Variants in ATXN1 observed in about 807,000 individuals in gnomAD.
ATXN1 encodes the protein ataxin-1.
Under a neutral mutation model 56.4 loss-of-function variants are expected in ATXN1, and 8 were observed. That is an observed-to-expected ratio of 0.14 (90% CI 0.08 to 0.26). The LOEUF is 0.26. Among genes scored for constraint, ATXN1 ranks in the 10% least tolerant of loss-of-function variants. The pLI is 1.00. For synonymous variants in ATXN1, 514 were observed against 494.6 expected, an observed-to-expected ratio of 1.04 and a Z score of -0.52; for missense variants, 987 against 1,106.5, an observed-to-expected ratio of 0.89 and a Z score of 1.53.
At chr6:16,751,024 A>G (rs531844879) in intron 2 of ATXN1, among the ~76,000 whole-genome samples, 1 of 142,062 alleles carries the variant, frequency 7.0e-6, no homozygotes, top group South Asian at 2.2e-4. Flanking sequence ...GCTGGAGTGC[A>G]GTGGCGAGAC....
chr6:16,359,183 C>T (rs566942134), intron 6 of ATXN1, among the ~76,000 whole-genome samples: 9 of 152,284 alleles, frequency 5.9e-5, no homozygotes, highest in African/African-American at 1.9e-4. Context: ...AGACAGGGTC[C>T]GGGGCAGAAA....
At chr6:16,460,812 G>GGGCAGGATGGAGATCGAGACCA (rs1759977549) in intron 6 of ATXN1, among the ~76,000 whole-genome samples, 1 of 152,218 alleles carries the variant, frequency 6.6e-6, no homozygotes, top group African/African-American at 2.4e-5. Flanking sequence ...GTACTTGAAA[G>GGGCAGGATGGAGATCGAGACCA]TAAGTCTCTT....
chr6:16,503,933 C>T (rs963038171), intron 5 of ATXN1, among the ~76,000 whole-genome samples: 1 of 152,074 alleles, frequency 6.6e-6, no homozygotes, highest in African/African-American at 2.4e-5. Context: ...CACCATCCAC[C>T]CCCCAAACTC....
intron 6 of ATXN1, among the ~76,000 whole-genome samples, chr6:16,396,377 C>T (rs146352973): frequency 1.3e-3 from 199 of 151,914 alleles, no homozygotes; most frequent in African/African-American, 4.6e-3. Flanking sequence ...CCCGGGTGCG[C>T]GAAACCAGCC....
intron 4 of ATXN1, among the ~76,000 whole-genome samples, chr6:16,568,802 T>A (rs1254763688): frequency 1.3e-5 from 2 of 152,200 alleles, no homozygotes; most frequent in Non-Finnish European, 2.9e-5. Flanking sequence ...CCAAGTCCAG[T>A]TATCTGGCAA....
At chr6:16,464,440 C>T (rs962240092) in intron 6 of ATXN1, among the ~76,000 whole-genome samples, 1 of 152,132 alleles carries the variant, frequency 6.6e-6, no homozygotes, top group Non-Finnish European at 1.5e-5. Flanking sequence ...AGCAGCAACC[C>T]ACTTGGGTCC....
intron 6 of ATXN1, among the ~76,000 whole-genome samples, chr6:16,378,537 CTTTATTTA>C (rs71535078): frequency 0.1 from 14,900 of 146,720 alleles, 1,094 homozygotes; most frequent in East Asian, 0.38. Context: ...CCTCTCTTGA[CTTTATTTA>C]TTTATTTATT....
chr6:16,415,308 C>T (rs528478786), intron 6 of ATXN1, among the ~76,000 whole-genome samples: 79 of 152,288 alleles, frequency 5.2e-4, no homozygotes, highest in African/African-American at 1.8e-3. Context: ...CGGCTCACTG[C>T]AACCTCTGCC....
intron 6 of ATXN1, among the ~76,000 whole-genome samples, chr6:16,348,560 G>T (rs1030703812): frequency 6.6e-6 from 1 of 152,026 alleles, no homozygotes; most frequent in African/African-American, 2.4e-5. Flanking sequence ...AAATTAGCCG[G>T]GCTTGGTGGT....
At chr6:16,433,896 C>T (rs12207277) in intron 6 of ATXN1, among the ~76,000 whole-genome samples, 45,479 of 152,038 alleles carry the variant, frequency 0.3, 7,718 homozygotes, top group Middle Eastern at 0.46. Context: ...ACGAGGGTCA[C>T]GACGCGTCCT....
intron 6 of ATXN1, among the ~76,000 whole-genome samples, chr6:16,373,270 G>C (rs1364541814): frequency 1.3e-5 from 2 of 152,196 alleles, no homozygotes; most frequent in African/African-American, 4.8e-5. Flanking sequence ...ATTTAGAAAT[G>C]ATCCATAATT....
chr6:16,433,683 T>A (rs1398875217), intron 6 of ATXN1, among the ~76,000 whole-genome samples: 1 of 152,238 alleles, frequency 6.6e-6, no homozygotes, highest in Non-Finnish European at 1.5e-5. Context: ...TTCCTTTAAC[T>A]GTGACAGGCA....
In ATXN1 at chr6:16,675,519, G is replaced by T. The variant is rs533290170; in HGVS notation, c.-614-17618C>A. On this transcript the variant is annotated intron_variant, in intron 2 of 7. Coordinates refer to ENST00000436367, the MANE Select transcript of ATXN1 (RefSeq NM_001128164.2). ...TTGGCCTGATGGCAGTCAACTTATGGCACACATGAAGGCGAAAGGAGCAGG... is the reference window on the plus strand; with the variant it reads ...TTGGCCTGATGGCAGTCAACTTATGTCACACATGAAGGCGAAAGGAGCAGG... Among the ~76,000 whole-genome samples the T allele has an allele frequency of 4.6e-5, 7 of 152,222 alleles. No homozygotes were observed. In the South Asian group the frequency reaches 1.5e-3, roughly 32 times the overall value.
intron 2 of ATXN1, among the ~76,000 whole-genome samples, chr6:16,746,611 A>T (rs1025594823): frequency 6.6e-6 from 1 of 152,232 alleles, no homozygotes; most frequent in Non-Finnish European, 1.5e-5. Flanking sequence ...CCAGAAATGG[A>T]TGTTGTTTGG....
chr6:16,445,296 G>GA (rs1424819672), intron 6 of ATXN1, among the ~76,000 whole-genome samples: 1 of 152,138 alleles, frequency 6.6e-6, no homozygotes. Context: ...ATCATTTATA[G>GA]AAATAGTAAA....
At chr6:16,619,443 C>T (rs1005495883) in intron 3 of ATXN1, among the ~76,000 whole-genome samples, 84 of 152,258 alleles carry the variant, frequency 5.5e-4, no homozygotes, top group African/African-American at 1.9e-3. Context: ...TGATGTAAAA[C>T]TTACGATAGG....
At chr6:16,498,631 T>C (rs917792098) in intron 5 of ATXN1, among the ~76,000 whole-genome samples, 1 of 152,220 alleles carries the variant, frequency 6.6e-6, no homozygotes, top group Admixed American at 6.5e-5. Context: ...TACCATTTTT[T>C]CCACAAGCTT....
At chr6:16,500,758 A>AAC (rs1328531503) in intron 5 of ATXN1, among the ~76,000 whole-genome samples, 1 of 151,348 alleles carries the variant, frequency 6.6e-6, no homozygotes, top group African/African-American at 2.4e-5. Flanking sequence ...AAAAAAAAAA[A>AAC]AACATTGAGG....
chr6:16,733,455 C>T (rs1187022616), intron 2 of ATXN1, among the ~76,000 whole-genome samples: 3 of 151,918 alleles, frequency 2.0e-5, no homozygotes, highest in Admixed American at 6.6e-5. Context: ...CCCAGCTAAT[C>T]GGGAGGCTGA....
Sources: allele counts gnomAD v4.1 joint callset (sites outside exome capture counted in the v4.1 genomes callset), GRCh38; gene constraint gnomAD v4.1.1; transcripts MANE v1.5; gene names NCBI Gene and HGNC (gene_info 2026-07-23, HGNC 2026-07-21).